The following TAFA1 variants were observed in gnomAD, a reference collection of about 807,000 sequenced individuals.
The protein encoded by TAFA1 is TAFA chemokine like family member 1.
Under a neutral mutation model 18.5 loss-of-function variants are expected in TAFA1, and 4 were observed. The observed-to-expected ratio is 0.22, with a 90% confidence interval of 0.11 to 0.49. TAFA1 has a LOEUF of 0.49. Ranked by LOEUF, TAFA1 falls within the 20% of genes least tolerant of loss-of-function variation. The pLI is 0.98. For synonymous variants in TAFA1, 56 were observed against 55.2 expected (o/e 1.01, Z -0.06); for missense variants, 147 against 169.0 (o/e 0.87, Z 0.72).
At chr3:68,346,657 C>T (rs898046571) in intron 2 of TAFA1, among the ~76,000 whole-genome samples, 6 of 152,162 alleles carry the variant, frequency 3.9e-5, no homozygotes, top group Non-Finnish European at 7.3e-5. Flanking sequence ...CATCTGACAA[C>T]TGCTGTACAC....
chr3:68,379,841 G>A (rs569235621), intron 2 of TAFA1, among the ~76,000 whole-genome samples: 7 of 151,212 alleles, frequency 4.6e-5, no homozygotes, highest in African/African-American at 1.7e-4. Context: ...AGGTATACAT[G>A]TGCCATGTTG....
At chr3:68,391,714 T>G (rs1299719907) in intron 2 of TAFA1, among the ~76,000 whole-genome samples, 2 of 152,148 alleles carry the variant, frequency 1.3e-5, no homozygotes, top group African/African-American at 4.8e-5. Flanking sequence ...TTCAACATTC[T>G]TGAAGAAAAT....
intron 2 of TAFA1, among the ~76,000 whole-genome samples, chr3:68,315,398 G>A (rs2068591414): frequency 6.6e-6 from 1 of 152,136 alleles, no homozygotes; most frequent in Non-Finnish European, 1.5e-5. Flanking sequence ...AGTTGTGCAT[G>A]GAAAGTGTTA....
At chr3:68,034,942 A>C (rs1230305594) in intron 2 of TAFA1, among the ~76,000 whole-genome samples, 1 of 152,160 alleles carries the variant, frequency 6.6e-6, no homozygotes, top group African/African-American at 2.4e-5. Flanking sequence ...GTTGGGTGGC[A>C]TCTTAGGGCT....
intron 3 of TAFA1, among the ~76,000 whole-genome samples, chr3:68,476,278 G>A (rs1407633144): frequency 6.6e-6 from 1 of 152,152 alleles, no homozygotes; most frequent in Non-Finnish European, 1.5e-5. Flanking sequence ...AATTTTAAAG[G>A]TCCTGACCTT....
At chr3:68,279,772 A>G (rs886802879) in intron 2 of TAFA1, among the ~76,000 whole-genome samples, 5 of 152,188 alleles carry the variant, frequency 3.3e-5, no homozygotes, top group Non-Finnish European at 7.4e-5. Context: ...GTTCCCAGAT[A>G]CTAGCTAGGT....
chr3:68,216,909 T>C (rs762713345), intron 2 of TAFA1, among the ~76,000 whole-genome samples: 2 of 152,028 alleles, frequency 1.3e-5, no homozygotes, highest in African/African-American at 4.8e-5. Flanking sequence ...TTTACTGATA[T>C]AAAGAAATGA....
intron 2 of TAFA1, 63 bp from the exon 3 acceptor site, chr3:68,417,217 C>T: frequency 1.4e-6 from 2 of 1,470,090 alleles, no homozygotes; most frequent in Non-Finnish European, 1.9e-6. Flanking sequence ...CATGCACTCC[C>T]AGGGGCTCGA....
chr3:68,089,537 C>A (rs1021767385), intron 2 of TAFA1, among the ~76,000 whole-genome samples: 6 of 152,058 alleles, frequency 3.9e-5, no homozygotes, highest in African/African-American at 1.4e-4. Context: ...AGAGAGAAGG[C>A]AAATACCAGA....
At chr3:68,454,703 C>T (rs1428810529) in intron 3 of TAFA1, among the ~76,000 whole-genome samples, 1 of 152,160 alleles carries the variant, frequency 6.6e-6, no homozygotes, top group Non-Finnish European at 1.5e-5. Context: ...TGAGCCTCCA[C>T]ACCCACACTT....
chr3:68,444,771 AATATATATATATATATATATATATAT>A (rs55684696), intron 3 of TAFA1, among the ~76,000 whole-genome samples: 2 of 127,268 alleles, frequency 1.6e-5, no homozygotes, highest in Non-Finnish European at 3.3e-5. Flanking sequence ...GTTTCTACAA[AATATATATATATATATATATATATAT>A]ATATATATAT....
At chr3:68,279,740 A>G (rs943549752) in intron 2 of TAFA1, among the ~76,000 whole-genome samples, 10 of 152,190 alleles carry the variant, frequency 6.6e-5, no homozygotes, top group African/African-American at 2.4e-4. Flanking sequence ...AAGTCATAAT[A>G]TGGGCTTTGC....
the TAFA1 span, among the ~76,000 whole-genome samples, chr3:67,995,677 G>A: frequency 6.6e-6 from 1 of 152,178 alleles, no homozygotes; most frequent in South Asian, 2.1e-4. Flanking sequence ...GGGTGTGTTA[G>A]AAGAAGGGGA....
chr3:68,222,664 A>G (rs1217037209), intron 2 of TAFA1, among the ~76,000 whole-genome samples: 1 of 151,818 alleles, frequency 6.6e-6, no homozygotes, highest in Non-Finnish European at 1.5e-5. Context: ...GGTGGAGAGT[A>G]TTGTTTTTAT....
rs187396478 is a variant in TAFA1, at chr3:68,308,527, G to T, written c.119-108753G>T. 1.5e-4 allele frequency among the ~76,000 whole-genome samples: 23 copies of T among 152,162 alleles called. No individual in the cohort carries two copies. The East Asian group carries it at 3.9e-3, about 26-fold the overall frequency. ...CAAAAGCTTCTTATAAGTACCACATGCTAACCAATTGCACCACTGGAGCCA... is the reference window on the plus strand; with the variant it reads ...CAAAAGCTTCTTATAAGTACCACATTCTAACCAATTGCACCACTGGAGCCA... On this transcript the variant is annotated intron_variant, in intron 2 of 4. Coordinates refer to ENST00000478136, the MANE Select transcript of TAFA1 (RefSeq NM_213609.4).
At chr3:68,085,626 T>C (rs2064961671) in intron 2 of TAFA1, among the ~76,000 whole-genome samples, 1 of 152,224 alleles carries the variant, frequency 6.6e-6, no homozygotes, top group Non-Finnish European at 1.5e-5. Context: ...CTGCCTTCCA[T>C]AGAGCTTTGA....
At chr3:68,192,104 G>A (rs1192608079) in intron 2 of TAFA1, among the ~76,000 whole-genome samples, 4 of 151,694 alleles carry the variant, frequency 2.6e-5, no homozygotes, top group Non-Finnish European at 4.4e-5. Flanking sequence ...TCAGCTATAA[G>A]AGCACTATTC....
chr3:68,300,682 T>C (rs534441474), intron 2 of TAFA1, among the ~76,000 whole-genome samples: 1 of 152,238 alleles, frequency 6.6e-6, no homozygotes, highest in East Asian at 1.9e-4. Context: ...TGAATTGTAA[T>C]CCCCATAATC....
intron 2 of TAFA1, among the ~76,000 whole-genome samples, chr3:68,414,370 C>T (rs182319941): frequency 4.9e-4 from 75 of 152,158 alleles, no homozygotes; most frequent in African/African-American, 1.5e-3. Flanking sequence ...AGGGGCGGCT[C>T]GGATATTTAA....
Sources: gnomAD v4.1 joint callset for allele counts (sites outside exome capture counted in the v4.1 genomes callset) on GRCh38, gnomAD v4.1.1 for gene constraint, MANE v1.5 for transcripts, NCBI Gene and HGNC (gene_info 2026-07-23, HGNC 2026-07-21) for gene names.